The following TFB1M variants were observed in gnomAD, a reference collection of about 807,000 sequenced individuals.
The protein encoded by TFB1M is dimethyladenosine transferase 1, mitochondrial.
A neutral mutation model predicts 31.1 loss-of-function variants in TFB1M; 27 were observed. That is an observed-to-expected ratio of 0.87 (90% CI 0.64 to 1.20). TFB1M has a LOEUF of 1.20. TFB1M is among the 50% of genes most tolerant of loss of function. The pLI, the probability that TFB1M is intolerant of heterozygous loss-of-function variation, is 0.00. For missense variants in TFB1M, 394 were observed against 418.7 expected (o/e 0.94, Z 0.51); for synonymous variants, 166 against 151.8 (o/e 1.09, Z -0.69).
chr6:155,248,934 T>C, the TFB1M span, among the ~76,000 whole-genome samples: 15 of 152,304 alleles, frequency 9.8e-5, no homozygotes, highest in Admixed American at 9.2e-4. Context: ...TAAATTAAAC[T>C]GGCTTTTTTT....
intron 2 of TFB1M, among the ~76,000 whole-genome samples, chr6:155,299,042 T>C (rs1777310630): frequency 6.6e-6 from 1 of 152,186 alleles, no homozygotes; most frequent in South Asian, 2.1e-4. Flanking sequence ...ATCATCAAGA[T>C]CTTTAACTTA....
chr6:155,256,669 C>A lies in TFB1M; in HGVS notation c.*1167G>T, dbSNP rs143644361. On this transcript the variant is annotated 3_prime_UTR_variant, in exon 7 of 7. Transcript: ENST00000367166. ...CACTTCTCCCGGGAAATACCCACAC[C>A]CCGGCTTGGCAGATTTTGCCGACAA... The A allele has an allele frequency of 5.1e-4, 831 of 1,614,152 alleles. 11 individuals carry two copies. The Admixed American group carries it at 0.013, about 25-fold the overall frequency.
chr6:155,294,681 C>G (rs1381564151), intron 4 of TFB1M, among the ~76,000 whole-genome samples: 1 of 152,094 alleles, frequency 6.6e-6, no homozygotes, highest in African/African-American at 2.4e-5. Context: ...GAATATGGAG[C>G]AAAATGAACT....
At chr6:155,281,700 C>T (rs1015924572) in intron 5 of TFB1M, among the ~76,000 whole-genome samples, 8 of 115,656 alleles carry the variant, frequency 6.9e-5, no homozygotes, top group Admixed American at 3.8e-4. Context: ...CCAGCCTGGG[C>T]GGCAGAGTGA....
At chr6:155,296,698 T>C (rs1394636730) in intron 4 of TFB1M, among the ~76,000 whole-genome samples, 3 of 152,220 alleles carry the variant, frequency 2.0e-5, no homozygotes, top group Non-Finnish European at 4.4e-5. Flanking sequence ...GTGGCATCGA[T>C]GGCTGTTGCA....
chr6:155,240,531 G>C, the TFB1M span: 6 of 1,609,996 alleles, frequency 3.7e-6, no homozygotes, highest in Non-Finnish European at 5.1e-6. Context: ...CTCTCTCAGA[G>C]TGCTGAGCAG....
chr6:155,279,213 CTT>C (rs11400763), intron 5 of TFB1M, among the ~76,000 whole-genome samples: 1 of 147,802 alleles, frequency 6.8e-6, no homozygotes. Flanking sequence ...AAATATCATA[CTT>C]TTTTTTTTTT....
chr6:155,234,958 G>A, the TFB1M span, among the ~76,000 whole-genome samples: 7 of 152,026 alleles, frequency 4.6e-5, no homozygotes, highest in Admixed American at 1.3e-4. Flanking sequence ...GGGGCTGTGC[G>A]GACAGCTAGA....
intron 1 of TFB1M, among the ~76,000 whole-genome samples, chr6:155,313,487 T>G (rs1164406358): frequency 1.3e-5 from 2 of 152,182 alleles, no homozygotes; most frequent in Non-Finnish European, 2.9e-5. Context: ...ACTCCAGCCG[T>G]GACTTAGTAG....
At chr6:155,236,388 C>A in the TFB1M span, among the ~76,000 whole-genome samples, 6 of 152,110 alleles carry the variant, frequency 3.9e-5, no homozygotes, top group Non-Finnish European at 7.3e-5. Context: ...GACAGCCAGG[C>A]ATGGTGGCTC....
the TFB1M span, chr6:155,244,961 AT>A: frequency 6.3e-4 from 455 of 719,708 alleles, no homozygotes; most frequent in South Asian, 1.4e-3. Context: ...GGCTGTATAT[AT>A]TTTTTTTTCC....
chr6:155,259,759 C>T (rs1232737263), intron 6 of TFB1M, among the ~76,000 whole-genome samples: 4 of 152,314 alleles, frequency 2.6e-5, no homozygotes, highest in Non-Finnish European at 4.4e-5. Context: ...TCGAGGTGGG[C>T]GACCTCTAGA....
chr6:155,280,687 T>C (rs1030342848), intron 5 of TFB1M, among the ~76,000 whole-genome samples: 5 of 152,206 alleles, frequency 3.3e-5, no homozygotes, highest in African/African-American at 1.2e-4. Flanking sequence ...AAAATGATTC[T>C]TGAATACAAG....
Position 155,257,392 on chromosome 6 carries a change from C to G in TFB1M, c.*444G>C, listed in dbSNP as rs1441421951. 1 of 407,596 alleles carries G rather than the reference C, an allele frequency of 2.5e-6. No homozygotes were observed. Among genetic ancestry groups the G allele is most frequent in the Non-Finnish European group, 4.3e-6 (1 of 230,628 alleles). 25.2% of individuals were successfully genotyped at this position (407,596 alleles called of 1,614,324 possible). On this transcript the variant is annotated 3_prime_UTR_variant, in exon 7 of 7. Coordinates refer to ENST00000367166, the MANE Select transcript of TFB1M (RefSeq NM_016020.4). Reference sequence around the variant, plus strand: ...GATTTAGGATCCTTAAAATTACATTCTAATAATTAAGTTATGTGGAAAAAG... The same window carrying G: ...GATTTAGGATCCTTAAAATTACATTGTAATAATTAAGTTATGTGGAAAAAG...
the TFB1M span, among the ~76,000 whole-genome samples, chr6:155,239,774 G>T: frequency 6.6e-6 from 1 of 152,274 alleles, no homozygotes; most frequent in South Asian, 2.1e-4. Flanking sequence ...GACCAGCTTA[G>T]CTCCCTCCTC....
chr6:155,257,642 T>TAAAAG lies in TFB1M; in HGVS notation c.*189_*193dup. The stretch of plus-strand genomic sequence containing the variant: ...TCATAACTATCTATACAGTATATAT[T>TAAAAG]AAAAGAAAGCTTGTACTGTATCTTA... On this transcript the variant is annotated 3_prime_UTR_variant, in exon 7 of 7. Transcript: ENST00000367166. The TAAAAG allele has an allele frequency of 9.7e-6, 6 of 617,454 alleles. No homozygotes were observed. The South Asian group carries it at 1.0e-4, about 10-fold the overall frequency. 38.2% of individuals were successfully genotyped at this position (617,454 alleles called of 1,614,324 possible).
chr6:155,314,270 C>G (rs772066615), intron 1 of TFB1M, 26 bp downstream of exon 1: 30 of 1,612,160 alleles, frequency 1.9e-5, no homozygotes, highest in African/African-American at 6.7e-5. Context: ...GGGGAGACAT[C>G]CGGGGAGCAC....
intron 4 of TFB1M, among the ~76,000 whole-genome samples, chr6:155,296,267 C>T (rs1777167183): frequency 1.3e-5 from 2 of 151,654 alleles, no homozygotes; most frequent in Non-Finnish European, 2.9e-5. Flanking sequence ...ATTCTTCCCG[C>T]ATGCCCCGCC....
intron 5 of TFB1M, among the ~76,000 whole-genome samples, chr6:155,264,520 G>A (rs1451741998): frequency 6.6e-6 from 1 of 152,166 alleles, no homozygotes; most frequent in Non-Finnish European, 1.5e-5. Flanking sequence ...GTTCAATAAA[G>A]ATCAACTACA....
Sources: gnomAD v4.1 joint callset for allele counts (sites outside exome capture counted in the v4.1 genomes callset) on GRCh38, gnomAD v4.1.1 for gene constraint, MANE v1.5 for transcripts, NCBI Gene and HGNC (gene_info 2026-07-23, HGNC 2026-07-21) for gene names.